The following FBN2 variants were observed in gnomAD, a reference collection of about 807,000 sequenced individuals.
FBN2 encodes fibrillin 2, also known as fibrillin-2.
Under a neutral mutation model 355.6 loss-of-function variants are expected in FBN2, and 105 were observed. The observed-to-expected ratio is 0.30, with a 90% CI of 0.25 to 0.35. The LOEUF (loss-of-function observed/expected upper bound fraction) is 0.35, where lower values mean the gene tolerates loss of function less well. FBN2 is among the 10% of genes least tolerant of loss of function. The probability of loss-of-function intolerance (pLI) is 1.00; values close to 1 mark genes in which losing one functional copy is unlikely to be tolerated. For synonymous variants in FBN2, 1,350 were observed against 1,301.2 expected (o/e 1.04, Z -0.81); for missense variants, 3,280 against 3,758.7 (o/e 0.87, Z 3.33).
intron 5 of FBN2, among the ~76,000 whole-genome samples, chr5:128,513,232 C>A (rs1303524950): frequency 1.3e-5 from 2 of 152,170 alleles, no homozygotes; most frequent in East Asian, 3.8e-4. Flanking sequence ...GAATTTGTAA[C>A]TTTTGAAATA....
At chr5:128,470,557 G>A (rs1754832475) in intron 5 of FBN2, among the ~76,000 whole-genome samples, 1 of 152,058 alleles carries the variant, frequency 6.6e-6, no homozygotes, top group Non-Finnish European at 1.5e-5. Context: ...TCAGATGTGG[G>A]GGAAAAAAAC....
chr5:128,432,831 A>G (rs1341998823), intron 7 of FBN2, among the ~76,000 whole-genome samples: 2 of 152,150 alleles, frequency 1.3e-5, no homozygotes, highest in Non-Finnish European at 2.9e-5. Flanking sequence ...GATAAAGAAA[A>G]GAGGTTTAAT....
chr5:128,451,824 G>A (rs955843180), intron 6 of FBN2, among the ~76,000 whole-genome samples: 3 of 152,254 alleles, frequency 2.0e-5, no homozygotes, highest in Admixed American at 1.3e-4. Context: ...TGAAAAATGA[G>A]ACCAAGTCTA....
intron 27 of FBN2, among the ~76,000 whole-genome samples, chr5:128,336,634 T>C (rs1452410627): frequency 6.6e-6 from 1 of 152,158 alleles, no homozygotes; most frequent in Admixed American, 6.5e-5. Flanking sequence ...GGCATGACAA[T>C]AGGGCCCTCA....
intron 20 of FBN2, among the ~76,000 whole-genome samples, chr5:128,351,898 C>T (rs1018238607): frequency 6.6e-5 from 10 of 151,328 alleles, no homozygotes; most frequent in Non-Finnish European, 1.2e-4. Context: ...CATACTATAA[C>T]AACATGATAA....
chr5:128,373,032 C>T (rs1751986068), intron 15 of FBN2, among the ~76,000 whole-genome samples: 1 of 152,104 alleles, frequency 6.6e-6, no homozygotes, highest in Admixed American at 6.6e-5. Context: ...TAATTTTATA[C>T]ACATGAGAAA....
At chr5:128,315,637 A>C (rs1750180781) in intron 36 of FBN2, among the ~76,000 whole-genome samples, 1 of 152,172 alleles carries the variant, frequency 6.6e-6, no homozygotes, top group East Asian at 1.9e-4. Flanking sequence ...TACATCACAT[A>C]TTTCCTTCCA....
In FBN2 at chr5:128,266,911, C is replaced by T. The variant is rs187541831; in HGVS notation, c.7961-3255G>A. Among the ~76,000 whole-genome samples, 39 of 152,010 alleles carry T rather than the reference C, an allele frequency of 2.6e-4. No homozygotes were observed. In the East Asian group the frequency reaches 6.2e-3, roughly 24 times the overall value. On this transcript the variant is annotated intron_variant, in intron 62 of 64. Coordinates refer to ENST00000262464, the MANE Select transcript of FBN2 (RefSeq NM_001999.4). Reference sequence around the variant, plus strand: ...CAGAATGTGCAGGTTTGTTACATAGCCAAGTGTGCCATGGTGCTGTGCTGC... The same window carrying T: ...CAGAATGTGCAGGTTTGTTACATAGTCAAGTGTGCCATGGTGCTGTGCTGC...
intron 55 of FBN2, among the ~76,000 whole-genome samples, chr5:128,285,067 C>T (rs1455949781): frequency 6.6e-6 from 1 of 152,142 alleles, no homozygotes; most frequent in African/African-American, 2.4e-5. Flanking sequence ...ATTACTGAGG[C>T]ATAATATATT....
intron 7 of FBN2, among the ~76,000 whole-genome samples, chr5:128,437,819 T>TAGATAGATAGAC (rs758049803): frequency 1.1e-4 from 12 of 107,994 alleles, no homozygotes; most frequent in East Asian, 2.5e-4. Flanking sequence ...GATAGATAGA[T>TAGATAGATAGAC]AGACAGACAG....
intron 7 of FBN2, among the ~76,000 whole-genome samples, chr5:128,434,768 A>G (rs1436399567): frequency 6.6e-6 from 1 of 152,218 alleles, no homozygotes; most frequent in East Asian, 1.9e-4. Flanking sequence ...CAAAATAAAA[A>G]TTTATCGAGC....
At chr5:128,536,267 G>C (rs957987883) in intron 2 of FBN2, 135 bp downstream of exon 2, 3 of 732,544 alleles carry the variant, frequency 4.1e-6, no homozygotes, top group Non-Finnish European at 7.3e-6. Context: ...AAATGGGGCC[G>C]CGTCCCGATT....
At chr5:128,405,816 G>T (rs1752910902) in intron 8 of FBN2, among the ~76,000 whole-genome samples, 1 of 152,072 alleles carries the variant, frequency 6.6e-6, no homozygotes, top group African/African-American at 2.4e-5. Context: ...TAAAATACAT[G>T]TGCTGTATTT....
At chr5:128,414,246 C>T (rs1393904751) in intron 7 of FBN2, among the ~76,000 whole-genome samples, 1 of 151,976 alleles carries the variant, frequency 6.6e-6, no homozygotes, top group African/African-American at 2.4e-5. Flanking sequence ...CATTTTCATC[C>T]CCCCCCAAGG....
chr5:128,316,516 A>T (rs1428201384), intron 36 of FBN2, among the ~76,000 whole-genome samples: 1 of 152,210 alleles, frequency 6.6e-6, no homozygotes, highest in African/African-American at 2.4e-5. Context: ...GAATTGCTTC[A>T]AAAAGAAACT....
chr5:128,465,356 T>C (rs1022141916), intron 5 of FBN2, among the ~76,000 whole-genome samples: 1 of 152,158 alleles, frequency 6.6e-6, no homozygotes, highest in African/African-American at 2.4e-5. Context: ...CACCACTAAA[T>C]CCGAGCTCAG....
chr5:128,271,907 T>G lies in FBN2; in HGVS notation c.7960+92A>C, dbSNP rs1181680502. 3.4e-6 allele frequency: 5 copies of G among 1,449,308 alleles called. No homozygotes were observed. In the Admixed American group the frequency reaches 8.4e-5, roughly 24 times the overall value. 89.8% of individuals were successfully genotyped at this position (1,449,308 alleles called of 1,614,324 possible). A position where few individuals can be genotyped will look rare whatever the true frequency, so the allele number is the denominator to read the frequency against. ...TTTAAAGTCTAAAATTCAAAGGCTA[T>G]ACTGAAATCTCAACCCTCACAATTT... On this transcript the variant is annotated intron_variant, in intron 62 of 64. Coordinates refer to ENST00000262464, the MANE Select transcript of FBN2 (RefSeq NM_001999.4).
chr5:128,283,739 A>G (rs968073966), intron 55 of FBN2, among the ~76,000 whole-genome samples: 6 of 152,182 alleles, frequency 3.9e-5, no homozygotes, highest in Non-Finnish European at 5.9e-5. Context: ...AAGCTAGAAC[A>G]TATCTGACAC....
At chr5:128,306,504 C>A (rs1166537062) in intron 42 of FBN2, among the ~76,000 whole-genome samples, 1 of 151,942 alleles carries the variant, frequency 6.6e-6, no homozygotes, top group East Asian at 1.9e-4. Context: ...TGCCTGTAAT[C>A]CCAGCTACTC....
Sources: allele counts gnomAD v4.1 joint callset (sites outside exome capture counted in the v4.1 genomes callset), GRCh38; gene constraint gnomAD v4.1.1; transcripts MANE v1.5; gene names NCBI Gene and HGNC (gene_info 2026-07-23, HGNC 2026-07-21).